TLN2: variants seen among roughly 807,000 people sequenced by gnomAD.
TLN2 encodes the protein talin-2.
A neutral mutation model predicts 294.7 loss-of-function variants in TLN2; 118 were observed. That is an observed-to-expected ratio of 0.40 (90% confidence interval 0.34 to 0.47). TLN2 has a LOEUF of 0.47. Among genes scored for constraint, TLN2 ranks in the 20% least tolerant of loss-of-function variants. The probability of loss-of-function intolerance (pLI) is 0.84; values close to 1 mark genes in which losing one functional copy is unlikely to be tolerated. For missense variants in TLN2, 3,083 were observed against 3,282.2 expected, an observed-to-expected ratio of 0.94 and a Z score of 1.48; for synonymous variants, 1,431 against 1,304.5, an observed-to-expected ratio of 1.10 and a Z score of -2.09.
chr15:62,401,596 GGTGGGTAAGTTCTCCAT>G (rs2033028222), intron 1 of TLN2, among the ~76,000 whole-genome samples: 1 of 152,164 alleles, frequency 6.6e-6, no homozygotes, highest in Non-Finnish European at 1.5e-5. Context: ...CCTGGGCATT[GGTGGGTAAGTTCTCCAT>G]GTGATTCTAA....
intron 26 of TLN2, 54 bp from the exon 27 acceptor site, chr15:62,724,922 G>A: frequency 6.4e-7 from 1 of 1,562,126 alleles, no homozygotes; most frequent in Non-Finnish European, 8.7e-7. Flanking sequence ...CAAAAGTGTT[G>A]GGGACACTTT....
intron 50 of TLN2, 138 bp downstream of exon 50, chr15:62,800,907 T>G (rs538510040): frequency 6.0e-6 from 4 of 666,208 alleles, no homozygotes; most frequent in African/African-American, 5.4e-5. Context: ...TGCCTGCTGG[T>G]AGCTTTATAT....
chr15:62,825,176 G>T (rs1024112793), intron 54 of TLN2, among the ~76,000 whole-genome samples: 3 of 152,178 alleles, frequency 2.0e-5, no homozygotes, highest in Admixed American at 6.5e-5. Flanking sequence ...TGTCAGGCGG[G>T]TTTCAAGATG....
In TLN2 at chr15:62,750,399, T is replaced by C. The variant is rs1448812710; in HGVS notation, c.4120-3T>C. Reference sequence around the variant, plus strand: ...CTTTTTATGTTGTGTTCTTCTTCTGTAGACTGTGAAGGGGATGTTGGACAA... The same window carrying C: ...CTTTTTATGTTGTGTTCTTCTTCTGCAGACTGTGAAGGGGATGTTGGACAA... On this transcript the variant is annotated splice_polypyrimidine_tract_variant and splice_region_variant and intron_variant, in intron 33 of 58. Transcript: ENST00000636159. 6.2e-7 allele frequency: 1 copy of C among 1,613,590 alleles called. No homozygotes were observed. Among genetic ancestry groups the C allele is most frequent in the Non-Finnish European group, 8.5e-7 (1 of 1,179,446 alleles).
intron 10 of TLN2, among the ~76,000 whole-genome samples, chr15:62,674,513 T>C (rs1470706606): frequency 6.7e-6 from 1 of 149,700 alleles, no homozygotes; most frequent in Non-Finnish European, 1.5e-5. Context: ...AAAACGATAT[T>C]TTTTTTTTTT....
At chr15:62,541,055 T>A (rs986408886) in intron 1 of TLN2, among the ~76,000 whole-genome samples, 6 of 152,044 alleles carry the variant, frequency 3.9e-5, no homozygotes, top group Admixed American at 2.0e-4. Flanking sequence ...AAAGTCAAAA[T>A]AAGAAACTGA....
chr15:62,732,903 G>A (rs28416006), intron 28 of TLN2, among the ~76,000 whole-genome samples: 53,759 of 152,018 alleles, frequency 0.35, 9,926 homozygotes, highest in East Asian at 0.47. Flanking sequence ...TTCGGCACTA[G>A]ATATATTCCA....
chr15:62,585,719 C>T (rs1185568927), intron 1 of TLN2, among the ~76,000 whole-genome samples: 1 of 152,190 alleles, frequency 6.6e-6, no homozygotes, highest in Non-Finnish European at 1.5e-5. Flanking sequence ...TAGCAAGCTC[C>T]TGGTCCCTTT....
At chr15:62,628,037 C>T (rs942440118) in intron 3 of TLN2, among the ~76,000 whole-genome samples, 2 of 152,174 alleles carry the variant, frequency 1.3e-5, no homozygotes, top group African/African-American at 2.4e-5. Context: ...CAAACATTCT[C>T]GTTTTCTAGA....
intron 1 of TLN2, among the ~76,000 whole-genome samples, chr15:62,472,172 C>G (rs2037516245): frequency 6.6e-6 from 1 of 152,172 alleles, no homozygotes; most frequent in Middle Eastern, 3.2e-3. Flanking sequence ...CCACCTCCTG[C>G]ATTGTATTCA....
chr15:62,532,075 G>A (rs1317477141), intron 1 of TLN2, among the ~76,000 whole-genome samples: 1 of 149,698 alleles, frequency 6.7e-6, no homozygotes, highest in African/African-American at 2.5e-5. Context: ...TGTGAGACAG[G>A]TACTCACTTT....
rs142167851 is a variant in TLN2 at position 62,473,711 on chromosome 15, G to A, written c.-238+83026G>A. Among the ~76,000 whole-genome samples the A allele has an allele frequency of 8.2e-4, 125 of 152,326 alleles. 2 individuals carry two copies. The East Asian group carries it at 0.022, about 27-fold the overall frequency. On this transcript the variant is annotated intron_variant, in intron 1 of 58. Transcript: ENST00000636159. ...AAGGTCATACTTCTCTTTCATCAGT[G>A]CTACAAGAAGCCGGTTTCCTCACTG...
chr15:62,570,170 C>T lies in TLN2; in HGVS notation c.-237-19517C>T, dbSNP rs141683043. ...TTCCAAAGTGGTTTCAAAGTGGCTC[C>T]ATCCAAAAGTTTAGGAAGTCTTTAG... On this transcript the variant is annotated intron_variant, in intron 1 of 58. Coordinates refer to ENST00000636159, the MANE Select transcript of TLN2 (RefSeq NM_015059.3). 1.7e-4 allele frequency among the ~76,000 whole-genome samples: 26 copies of T among 152,288 alleles called. No homozygotes were observed. In the East Asian group the frequency reaches 3.1e-3, roughly 18 times the overall value.
chr15:62,427,948 TATGTG>T (rs2034807426), intron 1 of TLN2, among the ~76,000 whole-genome samples: 1 of 152,172 alleles, frequency 6.6e-6, no homozygotes, highest in African/African-American at 2.4e-5. Context: ...TAGAGGGACT[TATGTG>T]AGGTATATGA....
At chr15:62,448,563 T>G (rs190825993) in intron 1 of TLN2, among the ~76,000 whole-genome samples, 6 of 152,328 alleles carry the variant, frequency 3.9e-5, no homozygotes, top group Admixed American at 3.3e-4. Flanking sequence ...GGTTTATTAT[T>G]TGTAAGGGCG....
At chr15:62,522,957 C>CAT (rs2040538027) in intron 1 of TLN2, among the ~76,000 whole-genome samples, 1 of 134,964 alleles carries the variant, frequency 7.4e-6, no homozygotes, top group Non-Finnish European at 1.5e-5. Flanking sequence ...CACACACACA[C>CAT]ACACACACAC....
chr15:62,783,977 T>A, intron 45 of TLN2, 87 bp downstream of exon 45: 3 of 1,582,914 alleles, frequency 1.9e-6, no homozygotes, highest in Non-Finnish European at 1.7e-6. Context: ...AGCTCCACTC[T>A]GGAAGACCCC....
chr15:62,498,572 A>AT (rs2039139855), intron 1 of TLN2, among the ~76,000 whole-genome samples: 1 of 152,216 alleles, frequency 6.6e-6, no homozygotes, highest in Admixed American at 6.5e-5. Flanking sequence ...ATATTTTAAA[A>AT]TAACATGCTT....
chr15:62,531,966 A>C (rs949739042), intron 1 of TLN2, among the ~76,000 whole-genome samples: 3 of 152,064 alleles, frequency 2.0e-5, no homozygotes, highest in African/African-American at 7.2e-5. Context: ...AAGTGGTGTG[A>C]TCCATCATGG....
Sources: allele counts gnomAD v4.1 joint callset (sites outside exome capture counted in the v4.1 genomes callset), GRCh38; gene constraint gnomAD v4.1.1; transcripts MANE v1.5; gene names NCBI Gene and HGNC (gene_info 2026-07-23, HGNC 2026-07-21).